The following SEMA4D variants were observed in gnomAD, a reference collection of about 807,000 sequenced individuals.
The protein encoded by SEMA4D is semaphorin-4D.
Under a neutral mutation model 74.8 loss-of-function variants are expected in SEMA4D, and 22 were observed. That is an observed-to-expected ratio of 0.29 (90% CI 0.21 to 0.42). SEMA4D has a LOEUF of 0.42. SEMA4D is among the 10% of genes least tolerant of loss of function. SEMA4D has a pLI of 1.00. For missense variants in SEMA4D, 937 were observed against 1,118.4 expected (o/e 0.84, Z 2.31); for synonymous variants, 445 against 463.7 (o/e 0.96, Z 0.52).
intron 1 of SEMA4D, among the ~76,000 whole-genome samples, chr9:89,461,222 C>T (rs1440497144): frequency 2.0e-5 from 3 of 152,074 alleles, no homozygotes; most frequent in Non-Finnish European, 4.4e-5. Flanking sequence ...GAAGTGTGAG[C>T]CCCTCCCTGC....
intron 9 of SEMA4D, 139 bp from the exon 10 acceptor site, chr9:89,389,186 A>G (rs1007354066): frequency 1.3e-5 from 10 of 796,556 alleles, no homozygotes; most frequent in Non-Finnish European, 1.6e-5. Flanking sequence ...AACAGGAGAC[A>G]GATGCCGCAA....
chr9:89,427,210 A>C (rs1848293423), intron 2 of SEMA4D, among the ~76,000 whole-genome samples: 2 of 152,172 alleles, frequency 1.3e-5, no homozygotes, highest in Admixed American at 6.5e-5. Context: ...CCTCTCTTCC[A>C]GATGCTTCCA....
rs983892487 is a variant in SEMA4D, at chr9:89,377,364, T to C, written c.*1340A>G. 6.2e-5 allele frequency: 16 copies of C among 258,772 alleles called. No homozygotes were observed. The highest frequency in any genetic ancestry group is 1.0e-4 in the Non-Finnish European group (14 of 137,326). The allele number at this position is 258,772 out of a possible 1,614,324, so 16.0% of individuals were successfully genotyped here. A position where few individuals can be genotyped will look rare whatever the true frequency, so the allele number is the denominator to read the frequency against. On this transcript the variant is annotated 3_prime_UTR_variant, in exon 16 of 16. Coordinates refer to ENST00000422704, the MANE Select transcript of SEMA4D (RefSeq NM_001371194.2). ...CCAAAATGGTCAAATCCTATCATGC[T>C]GGAAGATAAGACTGTCCACACACGC...
Position 89,378,616 on chromosome 9 carries a change from A to C in SEMA4D, c.*88T>G, listed in dbSNP as rs920876375. 20 of 998,402 alleles carry C rather than the reference A, an allele frequency of 2.0e-5. No homozygotes were observed. Among genetic ancestry groups the C allele is most frequent in the Non-Finnish European group, 3.1e-5 (20 of 652,698 alleles). The allele number at this position is 998,402 out of a possible 1,614,324, so 61.8% of individuals were successfully genotyped here. A position where few individuals can be genotyped will look rare whatever the true frequency, so the allele number is the denominator to read the frequency against. On this transcript the variant is annotated 3_prime_UTR_variant, in exon 16 of 16. Transcript: ENST00000422704. Reference sequence around the variant, plus strand: ...GGGCTAACCTACGCAGCACTGCACGAGACTCGGATACTGAACAGGAGAAAC... The same window carrying C: ...GGGCTAACCTACGCAGCACTGCACGCGACTCGGATACTGAACAGGAGAAAC...
At chr9:89,435,106 G>A (rs770373338) in intron 2 of SEMA4D, among the ~76,000 whole-genome samples, 6 of 152,176 alleles carry the variant, frequency 3.9e-5, no homozygotes, top group Non-Finnish European at 7.4e-5. Flanking sequence ...GGAAGGGGCC[G>A]GCCAAGGCGG....
chr9:89,450,504 G>A (rs769239881), intron 2 of SEMA4D: 184 of 1,311,146 alleles, frequency 1.4e-4, no homozygotes, highest in Admixed American at 2.4e-4. Context: ...GGGTGAATTT[G>A]TTGCCCAGTT....
rs530865741 is a variant in SEMA4D at position 89,392,969 on chromosome 9, G to A, written c.509-433C>T. Among the ~76,000 whole-genome samples, 7 of 152,182 alleles carry A rather than the reference G, an allele frequency of 4.6e-5. No homozygotes were observed. In the South Asian group the frequency reaches 1.5e-3, roughly 32 times the overall value. On this transcript the variant is annotated intron_variant, in intron 7 of 15. Transcript: ENST00000422704. ...CTTGAACTCCTGACCTCAAGTGATC[G>A]AGGCATGAGCCACTGAGCCTGGCTT... is the stretch of plus-strand genomic sequence containing the variant.
chr9:89,432,298 T>A (rs1310822566), intron 2 of SEMA4D, among the ~76,000 whole-genome samples: 11 of 152,266 alleles, frequency 7.2e-5, no homozygotes, highest in Non-Finnish European at 1.0e-4. Flanking sequence ...GGGTCATTTT[T>A]ACTAGATAGT....
At chr9:89,450,150 GA>G in intron 2 of SEMA4D, 1 of 1,280,270 alleles carries the variant, frequency 7.8e-7, no homozygotes, top group Non-Finnish European at 1.1e-6. Flanking sequence ...CATCGATGGA[GA>G]AAAAACCATT....
At chr9:89,425,357 A>G (rs1847877716) in intron 2 of SEMA4D, among the ~76,000 whole-genome samples, 1 of 152,066 alleles carries the variant, frequency 6.6e-6, no homozygotes, top group Admixed American at 6.5e-5. Flanking sequence ...GTCTTCATTC[A>G]CGGGGTCTCC....
chr9:89,467,996 C>G (rs1011879896), intron 1 of SEMA4D, among the ~76,000 whole-genome samples: 2 of 146,834 alleles, frequency 1.4e-5, no homozygotes, highest in African/African-American at 4.9e-5. Flanking sequence ...GTTACACAAC[C>G]CTGCAGCAGA....
At chr9:89,364,690 A>G (rs968687050) in intron 16 of SEMA4D, 5 of 154,334 alleles carry the variant, frequency 3.2e-5, no homozygotes, top group South Asian at 2.0e-4. Flanking sequence ...TAGAGAGGCC[A>G]GTTACTTCAC....
chr9:89,411,549 G>A (rs1179510348), intron 2 of SEMA4D, among the ~76,000 whole-genome samples: 1 of 152,218 alleles, frequency 6.6e-6, no homozygotes, highest in African/African-American at 2.4e-5. Context: ...CAGCAGGGAA[G>A]GGACAAAGGG....
At chr9:89,495,337 A>C (rs1289190345) in intron 1 of SEMA4D, among the ~76,000 whole-genome samples, 3 of 152,160 alleles carry the variant, frequency 2.0e-5, no homozygotes, top group Non-Finnish European at 2.9e-5. Flanking sequence ...CGCCTTAACT[A>C]GTGCACCTAA....
chr9:89,442,760 A>G (rs1408467271), intron 2 of SEMA4D, among the ~76,000 whole-genome samples: 1 of 152,078 alleles, frequency 6.6e-6, no homozygotes, highest in Non-Finnish European at 1.5e-5. Context: ...AGGGATCAGC[A>G]CCAGACAGTG....
At chr9:89,395,984 A>C (rs1840868505) in intron 6 of SEMA4D, among the ~76,000 whole-genome samples, 1 of 152,230 alleles carries the variant, frequency 6.6e-6, no homozygotes, top group Non-Finnish European at 1.5e-5. Context: ...GGACTTATTT[A>C]AAATGCTACT....
At chr9:89,483,628 AAC>A (rs1187116417) in intron 1 of SEMA4D, among the ~76,000 whole-genome samples, 3 of 147,382 alleles carry the variant, frequency 2.0e-5, no homozygotes, top group African/African-American at 7.4e-5. Flanking sequence ...GGGGGTTGCA[AAC>A]ACAGTTTTTC....
intron 2 of SEMA4D, among the ~76,000 whole-genome samples, chr9:89,439,271 T>C (rs974338769): frequency 6.6e-6 from 1 of 152,180 alleles, no homozygotes; most frequent in Admixed American, 6.5e-5. Context: ...TGAGCCACCG[T>C]ACCCGGCACA....
chr9:89,474,834 G>A (rs989142615), intron 1 of SEMA4D, among the ~76,000 whole-genome samples: 5 of 152,216 alleles, frequency 3.3e-5, no homozygotes, highest in Non-Finnish European at 4.4e-5. Context: ...GTTCAAGACC[G>A]GAGACTCTGC....
Sources: gnomAD v4.1 joint callset for allele counts (sites outside exome capture counted in the v4.1 genomes callset) on GRCh38, gnomAD v4.1.1 for gene constraint, MANE v1.5 for transcripts, NCBI Gene and HGNC (gene_info 2026-07-23, HGNC 2026-07-21) for gene names.